Variants in BCAS4 observed in about 807,000 individuals in gnomAD.
BCAS4 encodes the protein breast carcinoma-amplified sequence 4.
BCAS4 carries 9 observed loss-of-function variants against 15.7 expected under a neutral mutation model. The ratio of observed to expected loss-of-function variants is 0.57; its 90% CI spans 0.34 to 1.00. The LOEUF is 1.00. Ranked by LOEUF, BCAS4 falls within the 50% of genes least tolerant of loss-of-function variation. BCAS4 has a pLI of 0.02. For synonymous variants in BCAS4, 101 were observed against 99.5 expected, an observed-to-expected ratio of 1.02 and a Z score of -0.09; for missense variants, 225 against 239.1, an observed-to-expected ratio of 0.94 and a Z score of 0.39.
At chr20:50,854,552 A>G (rs1481826341) in intron 4 of BCAS4, among the ~76,000 whole-genome samples, 1 of 152,086 alleles carries the variant, frequency 6.6e-6, no homozygotes, top group African/African-American at 2.4e-5. Context: ...CAGGAGGTGG[A>G]GCTTCTCCCC....
chr20:50,859,538 G>C (rs2123833427), intron 4 of BCAS4, among the ~76,000 whole-genome samples: 1 of 129,256 alleles, frequency 7.7e-6, no homozygotes, highest in South Asian at 2.5e-4. Context: ...TGGTGCTCTG[G>C]GGGAGGGAAG....
chr20:50,841,529 A>G (rs1045727075), intron 3 of BCAS4, among the ~76,000 whole-genome samples: 2 of 152,132 alleles, frequency 1.3e-5, no homozygotes, highest in South Asian at 2.1e-4. Context: ...GGAGGCTAAG[A>G]ACAGGGTCCC....
chr20:50,857,358 G>A (rs536841528), intron 4 of BCAS4, among the ~76,000 whole-genome samples: 279 of 152,188 alleles, frequency 1.8e-3, no homozygotes, highest in African/African-American at 6.3e-3. Context: ...CTTGAACTCC[G>A]GACCTCAGGT....
At chr20:50,855,232 A>G (rs1050155341) in intron 4 of BCAS4, among the ~76,000 whole-genome samples, 2 of 151,796 alleles carry the variant, frequency 1.3e-5, no homozygotes, top group African/African-American at 4.8e-5. Context: ...CATCCCCAAC[A>G]ATTCTGTTTC....
rs771293947 is a variant in BCAS4, at chr20:50,840,491, G to T, written c.265-1275G>T. ...TCAGTAGTTCTTTGATGTGAAAGGG[G>T]CAGCACAGTCATTTAAACTTGATCC... On this transcript the variant is annotated intron_variant, in intron 3 of 4. Transcript: ENST00000371608. The T allele has an allele frequency of 4.5e-5, 51 of 1,124,994 alleles. No homozygotes were observed. In the South Asian group the frequency reaches 6.3e-4, roughly 14 times the overall value. The allele number at this position is 1,124,994 out of a possible 1,614,324, so 69.7% of individuals were successfully genotyped here. A position where few individuals can be genotyped will look rare whatever the true frequency, so the allele number is the denominator to read the frequency against.
chr20:50,802,353 G>A (rs1386693726), intron 1 of BCAS4, among the ~76,000 whole-genome samples: 2 of 152,150 alleles, frequency 1.3e-5, no homozygotes, highest in Non-Finnish European at 2.9e-5. Context: ...AACCTTCCGG[G>A]GCATGAGGAG....
intron 3 of BCAS4, among the ~76,000 whole-genome samples, chr20:50,834,292 C>CTTTTT (rs74175526): frequency 6.1e-4 from 74 of 121,090 alleles, no homozygotes; most frequent in Non-Finnish European, 7.8e-4. Context: ...TCGAACTCTT[C>CTTTTT]TTTTTTTTTT....
intron 4 of BCAS4, among the ~76,000 whole-genome samples, chr20:50,849,245 C>T (rs1445544093): frequency 6.6e-6 from 1 of 152,228 alleles, no homozygotes; most frequent in African/African-American, 2.4e-5. Flanking sequence ...GAGAAGAACA[C>T]GGTGCTTCCC....
intron 4 of BCAS4, among the ~76,000 whole-genome samples, chr20:50,869,307 C>T (rs986276287): frequency 2.0e-5 from 3 of 152,170 alleles, no homozygotes; most frequent in Admixed American, 6.5e-5. Context: ...TCCACTTGGC[C>T]GGCCTGAGGC....
At chr20:50,863,902 G>T (rs6096133) in intron 4 of BCAS4, among the ~76,000 whole-genome samples, 32,277 of 111,338 alleles carry the variant, frequency 0.29, 3,618 homozygotes, top group African/African-American at 0.52. Context: ...GCTCTGTCCT[G>T]CAAGTGGGTC....
At chr20:50,853,980 C>T (rs184305116) in intron 4 of BCAS4, among the ~76,000 whole-genome samples, 2 of 152,224 alleles carry the variant, frequency 1.3e-5, no homozygotes, top group East Asian at 3.9e-4. Context: ...GCCAGCTGTC[C>T]CCGGGGGCAA....
At chr20:50,849,522 T>C (rs886723630) in intron 4 of BCAS4, among the ~76,000 whole-genome samples, 8 of 152,194 alleles carry the variant, frequency 5.3e-5, no homozygotes, top group African/African-American at 1.9e-4. Flanking sequence ...GTGTGAGATG[T>C]CACCTGGTCC....
chr20:50,858,059 C>T (rs1978859247), intron 4 of BCAS4, among the ~76,000 whole-genome samples: 1 of 152,168 alleles, frequency 6.6e-6, no homozygotes, highest in Non-Finnish European at 1.5e-5. Context: ...CTAGCAACTC[C>T]AGCCCCTGGG....
intron 3 of BCAS4, among the ~76,000 whole-genome samples, chr20:50,838,307 A>C (rs78583096): frequency 6.6e-6 from 1 of 152,214 alleles, no homozygotes; most frequent in African/African-American, 2.4e-5. Context: ...CCATGAATAG[A>C]TAAGAATTTC....
chr20:50,803,326 C>CACAG (rs2087951207), intron 1 of BCAS4, among the ~76,000 whole-genome samples: 1 of 152,238 alleles, frequency 6.6e-6, no homozygotes, highest in African/African-American at 2.4e-5. Context: ...CAGCGTTCAG[C>CACAG]ACAGAGTGCT....
intron 3 of BCAS4, among the ~76,000 whole-genome samples, chr20:50,839,543 C>G (rs910548151): frequency 6.6e-6 from 1 of 152,204 alleles, no homozygotes; most frequent in South Asian, 2.1e-4. Context: ...TGCCCTGTCC[C>G]CCAGGCTGGA....
At chr20:50,878,295 A>T (rs1258096033), downstream of BCAS4, 1 of 151,994 alleles carries the variant, frequency 6.6e-6, no homozygotes, top group Non-Finnish European at 1.5e-5. Context: ...TCAGCCTCCC[A>T]GGAAGCTGGG....
intron 4 of BCAS4, among the ~76,000 whole-genome samples, chr20:50,845,620 G>A (rs866669852): frequency 1.3e-5 from 2 of 152,298 alleles, no homozygotes; most frequent in African/African-American, 4.8e-5. Context: ...GCCCCCCTGA[G>A]GCAGGTGTTT....
chr20:50,804,842 AGTTTCTTCTCTGGGCAGTGGGTC>A (rs2087970775), intron 1 of BCAS4, among the ~76,000 whole-genome samples: 1 of 152,166 alleles, frequency 6.6e-6, no homozygotes, highest in Non-Finnish European at 1.5e-5. Flanking sequence ...CGAGTTCCCG[AGTTTCTTCTCTGGGCAGTGGGTC>A]GTTGTTTAAC....
Sources: gnomAD v4.1 joint callset for allele counts (sites outside exome capture counted in the v4.1 genomes callset) on GRCh38, gnomAD v4.1.1 for gene constraint, MANE v1.5 for transcripts, NCBI Gene and HGNC (gene_info 2026-07-23, HGNC 2026-07-21) for gene names.